CCDC102B: variants seen among roughly 807,000 people sequenced by gnomAD.
CCDC102B encodes the protein coiled-coil domain-containing protein 102B.
Under a neutral mutation model 57.4 loss-of-function variants are expected in CCDC102B, and 75 were observed. The observed-to-expected ratio is 1.31, with a 90% confidence interval of 1.08 to 1.58. The LOEUF is 1.58. Ranked by LOEUF, CCDC102B falls within the 40% of genes most tolerant of loss-of-function variation. The probability of loss-of-function intolerance (pLI) is 0.00; values close to 1 mark genes in which losing one functional copy is unlikely to be tolerated. For missense variants in CCDC102B, 636 were observed against 582.6 expected (o/e 1.09, Z -0.94); for synonymous variants, 206 against 201.9 (o/e 1.02, Z -0.17).
At chr18:68,857,348 TA>T (rs2038517421) in intron 4 of CCDC102B, among the ~76,000 whole-genome samples, 1 of 99,824 alleles carries the variant, frequency 1.0e-5, no homozygotes, top group Non-Finnish European at 1.9e-5. Context: ...ATTTATATAT[TA>T]TAAATATATA....
intron 4 of CCDC102B, among the ~76,000 whole-genome samples, chr18:68,848,203 CGTACAGTT>C (rs2037962891): frequency 6.6e-6 from 1 of 151,748 alleles, no homozygotes; most frequent in Non-Finnish European, 1.5e-5. Flanking sequence ...TCAAAGTCTC[CGTACAGTT>C]GATTGACAAT....
chr18:68,919,343 G>T (rs1029192074), intron 6 of CCDC102B, among the ~76,000 whole-genome samples: 1 of 152,096 alleles, frequency 6.6e-6, no homozygotes. Context: ...GTAATCTCTA[G>T]TAGGAATCCA....
chr18:69,011,815 G>A (rs1054822289), intron 7 of CCDC102B, among the ~76,000 whole-genome samples: 2 of 151,930 alleles, frequency 1.3e-5, no homozygotes, highest in Non-Finnish European at 2.9e-5. Flanking sequence ...AAAACCCATA[G>A]TTCCCTGGTT....
chr18:69,053,742 A>G (rs1375335602), intron 7 of CCDC102B, among the ~76,000 whole-genome samples: 1 of 151,690 alleles, frequency 6.6e-6, no homozygotes, highest in Non-Finnish European at 1.5e-5. Flanking sequence ...TATAGAATGG[A>G]TCCTCATGTT....
upstream of CCDC102B, chr18:68,715,229 G>T: frequency 7.4e-7 from 1 of 1,356,914 alleles, no homozygotes. Flanking sequence ...AATCCTTTGC[G>T]CTCTCGGTGC....
At chr18:68,820,931 T>C (rs893377085) in intron 1 of CCDC102B, among the ~76,000 whole-genome samples, 1 of 152,192 alleles carries the variant, frequency 6.6e-6, no homozygotes, top group African/African-American at 2.4e-5. Flanking sequence ...CAGGGACACC[T>C]AACCTATGAC....
In CCDC102B at chr18:68,773,422, G is replaced by A. The variant is rs1402437613; in HGVS notation, c.-66-49944G>A. On this transcript the variant is annotated intron_variant, in intron 2 of 3. Coordinates refer to the CCDC102B transcript ENST00000578970. ...TTATCTAAAATGAAGTTTTTAAAAA[G>A]TTACTCTTCTCTGACTTATTTTTTC... 2.6e-5 allele frequency among the ~76,000 whole-genome samples: 4 copies of A among 151,860 alleles called. No homozygotes were observed. The East Asian group carries it at 7.7e-4, about 29-fold the overall frequency.
chr18:68,927,563 T>A (rs972071047), intron 6 of CCDC102B, among the ~76,000 whole-genome samples: 9 of 152,014 alleles, frequency 5.9e-5, no homozygotes, highest in African/African-American at 2.2e-4. Context: ...AAATAATTCC[T>A]AGAAATGACA....
chr18:68,919,413 C>A (rs1481564112), intron 6 of CCDC102B, among the ~76,000 whole-genome samples: 1 of 152,024 alleles, frequency 6.6e-6, no homozygotes, highest in Non-Finnish European at 1.5e-5. Flanking sequence ...TATATTTTTA[C>A]CCATGCTGAA....
At chr18:68,892,671 T>C (rs2040120179) in intron 5 of CCDC102B, among the ~76,000 whole-genome samples, 1 of 152,202 alleles carries the variant, frequency 6.6e-6, no homozygotes, top group Non-Finnish European at 1.5e-5. Context: ...TTTATAGCCA[T>C]AGTCATCTAT....
chr18:69,005,428 C>T (rs1484311216), intron 6 of CCDC102B, among the ~76,000 whole-genome samples: 1 of 151,860 alleles, frequency 6.6e-6, no homozygotes. Flanking sequence ...TTATAAACTT[C>T]TATGTATTAT....
chr18:68,836,692 T>C, intron 1 of CCDC102B, 57 bp from the exon 2 acceptor site: 2 of 1,294,752 alleles, frequency 1.5e-6, no homozygotes, highest in Non-Finnish European at 1.1e-6. Flanking sequence ...GTAGGTCTTG[T>C]TCCTGTATTT....
At chr18:68,762,967 A>G (rs1195401995) in intron 2 of CCDC102B, among the ~76,000 whole-genome samples, 1 of 152,050 alleles carries the variant, frequency 6.6e-6, no homozygotes, top group African/African-American at 2.4e-5. Flanking sequence ...ATTTTACCTC[A>G]GCCTCACAAA....
intron 6 of CCDC102B, among the ~76,000 whole-genome samples, chr18:68,904,525 T>C (rs2040557475): frequency 6.6e-6 from 1 of 152,216 alleles, no homozygotes; most frequent in Non-Finnish European, 1.5e-5. Context: ...TTTCTGAAGT[T>C]AGCAGAGATA....
At chr18:68,787,711 TTCTC>T (rs1414489353) in intron 2 of CCDC102B, among the ~76,000 whole-genome samples, 2 of 148,564 alleles carry the variant, frequency 1.3e-5, no homozygotes, top group African/African-American at 2.5e-5. Flanking sequence ...TATTTGATTC[TTCTC>T]TCTTTTTTTC....
intron 2 of CCDC102B, among the ~76,000 whole-genome samples, chr18:68,838,215 T>G (rs1385012024): frequency 6.6e-6 from 1 of 152,220 alleles, no homozygotes; most frequent in Non-Finnish European, 1.5e-5. Context: ...TATTTAGATG[T>G]GACTCATGAA....
chr18:69,041,239 G>T (rs925546969), intron 7 of CCDC102B, among the ~76,000 whole-genome samples: 1 of 152,026 alleles, frequency 6.6e-6, no homozygotes, highest in African/African-American at 2.4e-5. Flanking sequence ...TACTCAATTT[G>T]CATTAGTTAC....
chr18:69,009,627 A>G (rs575320344), intron 6 of CCDC102B, among the ~76,000 whole-genome samples: 111 of 152,208 alleles, frequency 7.3e-4, no homozygotes, highest in Middle Eastern at 6.8e-3. Flanking sequence ...GAAAAACACC[A>G]CATCCACATT....
At chr18:68,724,781 T>G (rs1195898642) in intron 2 of CCDC102B, among the ~76,000 whole-genome samples, 1 of 152,340 alleles carries the variant, frequency 6.6e-6, no homozygotes, top group East Asian at 1.9e-4. Flanking sequence ...TTTTCCTGTC[T>G]TCTTTTGTGT....
Sources: allele counts gnomAD v4.1 joint callset (sites outside exome capture counted in the v4.1 genomes callset), GRCh38; gene constraint gnomAD v4.1.1; transcripts MANE v1.5; gene names NCBI Gene and HGNC (gene_info 2026-07-23, HGNC 2026-07-21).